The following KIAA0319 variants were observed in gnomAD, a reference collection of about 807,000 sequenced individuals.
KIAA0319 encodes the protein dyslexia-associated protein KIAA0319.
Under a neutral mutation model 108.4 loss-of-function variants are expected in KIAA0319, and 83 were observed. That is an observed-to-expected ratio of 0.77 (90% CI 0.64 to 0.92). KIAA0319 has a LOEUF of 0.92. Among genes scored for constraint, KIAA0319 ranks in the 40% least tolerant of loss-of-function variants. The probability of loss-of-function intolerance (pLI) is 0.00; values close to 1 mark genes in which losing one functional copy is unlikely to be tolerated. For missense variants in KIAA0319, 1,195 were observed against 1,322.4 expected (o/e 0.90, Z 1.49); for synonymous variants, 484 against 510.4 (o/e 0.95, Z 0.70).
intron 1 of KIAA0319, among the ~76,000 whole-genome samples, chr6:24,620,620 T>C (rs1332098619): frequency 1.3e-5 from 2 of 152,188 alleles, no homozygotes; most frequent in Non-Finnish European, 2.9e-5. Context: ...TGTTTTTGCT[T>C]TTTTTCTATC....
At chr6:24,541,242 T>C (rs1760183323), downstream of KIAA0319, among the ~76,000 whole-genome samples, 1 of 152,222 alleles carries the variant, frequency 6.6e-6, no homozygotes, top group Non-Finnish European at 1.5e-5. Flanking sequence ...CTGACGCCTC[T>C]CATCTTGGCT....
intron 1 of KIAA0319, among the ~76,000 whole-genome samples, chr6:24,618,708 T>G (rs970080355): frequency 6.9e-6 from 1 of 145,314 alleles, no homozygotes; most frequent in African/African-American, 2.6e-5. Context: ...AAGACAAGAG[T>G]ATTAGGTCCC....
intron 18 of KIAA0319, 23 bp from the exon 19 acceptor site, chr6:24,554,654 T>C (rs747849665): frequency 6.0e-6 from 9 of 1,494,108 alleles, no homozygotes; most frequent in Non-Finnish European, 8.4e-6. Context: ...AAAACCAAAG[T>C]GGACATAGTT....
Position 24,576,389 on chromosome 6 carries a change from C to T in KIAA0319, c.1713G>A (p.Glu571=), listed in dbSNP as rs1274077136. Residue 571 remains glutamate (E), a synonymous_variant, in exon 10 of 21, where the codon GAG becomes GAA. Coordinates refer to ENST00000378214, the MANE Select transcript of KIAA0319 (RefSeq NM_014809.4). ...TTGCCTGCATGACCACATGTTTGCC[C>T]TCACTCCCAGGACCCAGGGACCACT... ...LYEWSLGPGS[E]GKHVVMQGVQ... is the part of the protein sequence containing the mutation. 5.6e-6 allele frequency: 9 copies of T among 1,614,100 alleles called. No homozygotes were observed. In the East Asian group the frequency reaches 2.0e-4, roughly 36 times the overall value.
chr6:24,612,998 A>G (rs1318121234), intron 1 of KIAA0319, among the ~76,000 whole-genome samples: 6 of 152,156 alleles, frequency 3.9e-5, no homozygotes, highest in African/African-American at 1.2e-4. Flanking sequence ...ACGGGGTTTC[A>G]CCACGTTAGC....
intron 1 of KIAA0319, among the ~76,000 whole-genome samples, chr6:24,632,507 G>C (rs1775710586): frequency 6.6e-6 from 1 of 152,230 alleles, no homozygotes; most frequent in Non-Finnish European, 1.5e-5. Flanking sequence ...CGCCAAAGCA[G>C]TTGATAAATC....
chr6:24,596,095 C>T lies in KIAA0319; in HGVS notation c.579G>A (p.Gly193=). The change falls in exon 3 of 21, where the codon GGG becomes GGA. Residue 193 remains glycine (G), a synonymous_variant. Coordinates refer to ENST00000378214, the MANE Select transcript of KIAA0319 (RefSeq NM_014809.4). ...TGTCTCCAACAGAGGAGTTGAAGGC[C>T]CCCTCGCTGCCCGGCAGTAGGCCCC... ...TDWGLLPGSE[G]AFNSSVGDSP... 6.2e-7 allele frequency: 1 copy of T among 1,614,060 alleles called. No homozygotes were observed. Among genetic ancestry groups the T allele is most frequent in the African/African-American group, 1.3e-5 (1 of 75,044 alleles).
At chr6:24,606,162 C>T (rs962693172) in intron 1 of KIAA0319, among the ~76,000 whole-genome samples, 4 of 152,176 alleles carry the variant, frequency 2.6e-5, no homozygotes, top group Admixed American at 6.5e-5. Flanking sequence ...GCCTCAAACT[C>T]CTGACCTCAA....
chr6:24,579,192 T>C (rs1765978233), intron 8 of KIAA0319, among the ~76,000 whole-genome samples: 1 of 152,134 alleles, frequency 6.6e-6, no homozygotes. Flanking sequence ...AACCACAGGA[T>C]GTTTTCAACC....
At chr6:24,542,011 A>G (rs1581834225), downstream of KIAA0319, among the ~76,000 whole-genome samples, 1 of 152,328 alleles carries the variant, frequency 6.6e-6, no homozygotes, top group East Asian at 1.9e-4. Context: ...GTGGTAACAC[A>G]CATCTGTAAT....
chr6:24,564,170 T>C, intron 15 of KIAA0319, 32 bp downstream of exon 15: 3 of 1,613,636 alleles, frequency 1.9e-6, no homozygotes, highest in Non-Finnish European at 2.5e-6. Flanking sequence ...AGCCAGAGCC[T>C]GCATGGCCAG....
At chr6:24,643,418 A>C (rs1777217238) in intron 1 of KIAA0319, among the ~76,000 whole-genome samples, 2 of 152,198 alleles carry the variant, frequency 1.3e-5, no homozygotes, top group Non-Finnish European at 2.9e-5. Context: ...TGTACACTCT[A>C]AATCTATAAA....
At chr6:24,547,708 T>C (rs1283217816) in intron 20 of KIAA0319, among the ~76,000 whole-genome samples, 1 of 152,264 alleles carries the variant, frequency 6.6e-6, no homozygotes, top group Non-Finnish European at 1.5e-5. Context: ...GCCCAGCCTT[T>C]AGTACATTGT....
intron 10 of KIAA0319, among the ~76,000 whole-genome samples, chr6:24,573,660 G>A (rs1360900763): frequency 1.3e-5 from 2 of 152,200 alleles, no homozygotes; most frequent in Non-Finnish European, 2.9e-5. Context: ...GATTCTGGAA[G>A]TGTACACATT....
At chr6:24,639,321 C>A (rs1776615875) in intron 1 of KIAA0319, among the ~76,000 whole-genome samples, 1 of 151,952 alleles carries the variant, frequency 6.6e-6, no homozygotes, top group South Asian at 2.1e-4. Context: ...AGACTGACAG[C>A]AATATTTTCA....
At chr6:24,566,365 G>A (rs1406180890) in intron 14 of KIAA0319, among the ~76,000 whole-genome samples, 1 of 152,216 alleles carries the variant, frequency 6.6e-6, no homozygotes, top group Non-Finnish European at 1.5e-5. Context: ...TGGTAAGAAG[G>A]CAGCTGTCTG....
rs760008516 is a variant in KIAA0319, at chr6:24,566,651, G to A, written c.2238C>T (p.Asp746=). 1.2e-6 allele frequency: 2 copies of A among 1,612,968 alleles called. No homozygotes were observed. Among genetic ancestry groups the A allele is most frequent in the Non-Finnish European group, 1.7e-6 (2 of 1,179,540 alleles). ...TCCACAGATAGGACACAATTCTTTG[G>A]TCATCAGTAGACCTTGAACCATCCA... The part of the protein sequence containing the change: ...ITLDGSRSTD[D]QRIVSYLWIR... The change falls in exon 14 of 21, where the codon GAC becomes GAT. Residue 746 remains aspartate (D), a synonymous_variant. Coordinates refer to ENST00000378214, the MANE Select transcript of KIAA0319 (RefSeq NM_014809.4).
intron 1 of KIAA0319, among the ~76,000 whole-genome samples, chr6:24,606,021 G>A (rs747128042): frequency 6.6e-6 from 1 of 151,562 alleles, no homozygotes; most frequent in Admixed American, 6.6e-5. Context: ...TGCAACCTCC[G>A]CCTCCCGGGG....
intron 1 of KIAA0319, among the ~76,000 whole-genome samples, chr6:24,612,273 G>A (rs553687328): frequency 7.9e-5 from 12 of 151,992 alleles, no homozygotes; most frequent in Admixed American, 3.9e-4. Context: ...AAAACACAGC[G>A]AGACCTCATC....
Sources: gnomAD v4.1 joint callset for allele counts (sites outside exome capture counted in the v4.1 genomes callset) on GRCh38, gnomAD v4.1.1 for gene constraint, MANE v1.5 for transcripts, NCBI Gene and HGNC (gene_info 2026-07-23, HGNC 2026-07-21) for gene names.